Variants in CD46 observed in about 807,000 individuals in gnomAD.
The protein encoded by CD46 is membrane cofactor protein.
In CD46, 30 loss-of-function variants were observed where a neutral mutation model predicts 53.3. The observed-to-expected ratio is 0.56, with a 90% CI of 0.42 to 0.76. CD46 has a LOEUF of 0.76. Ranked by LOEUF, CD46 falls within the 30% of genes least tolerant of loss-of-function variation. CD46 has a pLI of 0.00. For missense variants in CD46, 409 were observed against 463.0 expected (o/e 0.88, Z 1.07); for synonymous variants, 142 against 152.0 (o/e 0.93, Z 0.48).
rs1264259676 is a variant in CD46, at chr1:207,754,383, C to T, written c.97+2074C>T. Among the ~76,000 whole-genome samples the T allele has an allele frequency of 2.6e-5, 4 of 152,090 alleles. No individual in the cohort carries two copies. In the South Asian group the frequency reaches 8.3e-4, roughly 31 times the overall value. On this transcript the variant is annotated intron_variant, in intron 1 of 12. Coordinates refer to ENST00000367042, the MANE Select transcript of CD46 (RefSeq NM_172351.3). ...GACCTTCTCTGATCACCCCACCTCG[C>T]GACCCCCCCATCTCAGGTTGAACAC...
At chr1:207,756,808 A>G (rs1455378080) in intron 1 of CD46, among the ~76,000 whole-genome samples, 3 of 152,264 alleles carry the variant, frequency 2.0e-5, no homozygotes, top group African/African-American at 7.2e-5. Context: ...CAAACAAACC[A>G]AAAGCTAATA....
chr1:207,753,646 A>G (rs1340127316), intron 1 of CD46, among the ~76,000 whole-genome samples: 1 of 152,150 alleles, frequency 6.6e-6, no homozygotes, highest in Non-Finnish European at 1.5e-5. Context: ...ACTCCAGCCT[A>G]GATGACAGAG....
chr1:207,771,469 C>T (rs1657499596), intron 8 of CD46, among the ~76,000 whole-genome samples: 1 of 151,860 alleles, frequency 6.6e-6, no homozygotes, highest in Non-Finnish European at 1.5e-5. Context: ...GAAGTATTTG[C>T]CCGTGCCTAT....
chr1:207,789,262 T>C (rs1268341942), intron 11 of CD46, among the ~76,000 whole-genome samples: 2 of 152,228 alleles, frequency 1.3e-5, no homozygotes, highest in Non-Finnish European at 2.9e-5. Flanking sequence ...CTGTGACAAA[T>C]AGTTTTTCCT....
intron 8 of CD46, among the ~76,000 whole-genome samples, chr1:207,780,860 A>G (rs1044207831): frequency 1.3e-5 from 2 of 152,066 alleles, no homozygotes; most frequent in Non-Finnish European, 2.9e-5. Context: ...TCTAATATCA[A>G]GGCATGGGCA....
chr1:207,780,451 C>T (rs1197119765), intron 8 of CD46, among the ~76,000 whole-genome samples: 1 of 152,000 alleles, frequency 6.6e-6, no homozygotes, highest in African/African-American at 2.4e-5. Flanking sequence ...TCATCTGTTG[C>T]TAGACACTTG....
intron 8 of CD46, among the ~76,000 whole-genome samples, chr1:207,772,947 G>A (rs962352163): frequency 1.1e-4 from 16 of 152,134 alleles, no homozygotes; most frequent in African/African-American, 3.9e-4. Flanking sequence ...CTCTTTTTCT[G>A]TTGATTGAAA....
Position 207,752,406 on chromosome 1 carries a change from T to G in CD46, c.97+97T>G. ...GGCGGGGCTCACAGCAGGCCGTGCC[T>G]GTTTGGGGACAGGGTTCTCTGAGGG... is the stretch of plus-strand genomic sequence containing the variant. On this transcript the variant is annotated intron_variant, in intron 1 of 12. Coordinates refer to ENST00000367042, the MANE Select transcript of CD46 (RefSeq NM_172351.3). The surrounding 1 kb of genome is among the most constrained non-coding windows in gnomAD (Gnocchi z 4.1). The G allele has an allele frequency of 8.6e-7, 1 of 1,166,856 alleles. No individual in the cohort carries two copies. The highest frequency in any genetic ancestry group is 1.3e-6 in the Non-Finnish European group (1 of 779,732). 72.3% of individuals were successfully genotyped at this position (1,166,856 alleles called of 1,614,324 possible). A position where few individuals can be genotyped will look rare whatever the true frequency, so the allele number is the denominator to read the frequency against.
intron 3 of CD46, among the ~76,000 whole-genome samples, chr1:207,758,924 A>G (rs1295069045): frequency 1.3e-5 from 2 of 152,110 alleles, no homozygotes; most frequent in African/African-American, 4.8e-5. Flanking sequence ...AGAAATACCA[A>G]ATAAGTAGAA....
rs1210978043 is a variant in CD46 at position 207,785,650 on chromosome 1, G to A, written c.1050G>A (p.Pro350=). Residue 350 remains proline, a synonymous_variant, in exon 11 of 13, where the codon CCG becomes CCA. Coordinates refer to ENST00000367042, the MANE Select transcript of CD46 (RefSeq NM_172351.3). Reference sequence around the variant, plus strand: ...GAGTTGCAGTAATTTGTGTTGTCCCGTACAGATATCTTCAAAGGAGGAAGA... The same window carrying A: ...GAGTTGCAGTAATTTGTGTTGTCCCATACAGATATCTTCAAAGGAGGAAGA... ...VVGVAVICVV[P]YRYLQRRKKK... 15 of 1,610,372 alleles carry A rather than the reference G, an allele frequency of 9.3e-6. No homozygotes were observed. The highest frequency in any genetic ancestry group is 1.1e-5 in the South Asian group (1 of 90,994).
chr1:207,775,671 C>T (rs1274196608), intron 8 of CD46, among the ~76,000 whole-genome samples: 1 of 152,180 alleles, frequency 6.6e-6, no homozygotes, highest in Non-Finnish European at 1.5e-5. Flanking sequence ...ACCCTGTTTT[C>T]TTGAGTATCA....
At chr1:207,780,698 A>G (rs1006110906) in intron 8 of CD46, among the ~76,000 whole-genome samples, 4 of 152,104 alleles carry the variant, frequency 2.6e-5, no homozygotes, top group Admixed American at 1.3e-4. Context: ...AAAGGTTCCA[A>G]TTTTTCCACA....
chr1:207,779,529 G>A (rs1020250918), intron 8 of CD46, among the ~76,000 whole-genome samples: 7 of 152,004 alleles, frequency 4.6e-5, no homozygotes, highest in Non-Finnish European at 7.4e-5. Flanking sequence ...ATGTTCAGAC[G>A]TTTTATATTA....
At chr1:207,766,852 G>A (rs574343575) in intron 5 of CD46, among the ~76,000 whole-genome samples, 161 bp from the exon 6 acceptor site, 89 of 152,286 alleles carry the variant, frequency 5.8e-4, no homozygotes, top group African/African-American at 2.1e-3. Flanking sequence ...AATTCTGTAT[G>A]AAGGAGAATA....
At chr1:207,762,999 T>C (rs771312918) in intron 5 of CD46, 4 of 152,204 alleles carry the variant, frequency 2.6e-5, no homozygotes, top group Non-Finnish European at 4.4e-5. Context: ...CTGGGGAAAA[T>C]AGAGGAGGCG....
chr1:207,753,991 C>A (rs1655220001), intron 1 of CD46, among the ~76,000 whole-genome samples: 1 of 152,142 alleles, frequency 6.6e-6, no homozygotes, highest in African/African-American at 2.4e-5. Flanking sequence ...CACATTCATG[C>A]AGGAAGATAA....
At chr1:207,765,331 A>G (rs1040594617) in intron 5 of CD46, among the ~76,000 whole-genome samples, 1 of 152,234 alleles carries the variant, frequency 6.6e-6, no homozygotes, top group African/African-American at 2.4e-5. Context: ...GATAACAGAC[A>G]TCTACAAAAA....
intron 5 of CD46, chr1:207,762,726 C>A: frequency 6.5e-6 from 1 of 153,498 alleles, no homozygotes; most frequent in South Asian, 1.9e-4. Flanking sequence ...ACACGCCTGG[C>A]AGATCCAAGA....
chr1:207,773,345 G>C (rs1351819459), intron 8 of CD46, among the ~76,000 whole-genome samples: 1 of 152,162 alleles, frequency 6.6e-6, no homozygotes, highest in African/African-American at 2.4e-5. Context: ...CAAAAAACCA[G>C]CTCCTGGAAT....
Sources: allele counts gnomAD v4.1 joint callset (sites outside exome capture counted in the v4.1 genomes callset), GRCh38; gene constraint gnomAD v4.1.1; non-coding constraint Gnocchi (gnomAD v3.1); transcripts MANE v1.5; gene names NCBI Gene and HGNC (gene_info 2026-07-23, HGNC 2026-07-21).